MGAT4C: variants seen among roughly 807,000 people sequenced by gnomAD.
The protein encoded by MGAT4C is MGAT4 family member C, also known as alpha-1,3-mannosyl-glycoprotein 4-beta-N-acetylglucosaminyltransferase C.
A neutral mutation model predicts 40.1 loss-of-function variants in MGAT4C; 19 were observed. The observed-to-expected ratio is 0.47, with a 90% CI of 0.33 to 0.70. The LOEUF (loss-of-function observed/expected upper bound fraction) is 0.70. Among genes scored for constraint, MGAT4C ranks in the 30% least tolerant of loss-of-function variants. The pLI, the probability that MGAT4C is intolerant of heterozygous loss-of-function variation, is 0.02. For missense variants in MGAT4C, 491 were observed against 563.2 expected, an observed-to-expected ratio of 0.87 and a Z score of 1.30; for synonymous variants, 181 against 187.1, an observed-to-expected ratio of 0.97 and a Z score of 0.27.
intron 4 of MGAT4C, among the ~76,000 whole-genome samples, chr12:86,283,980 G>A (rs1953284321): frequency 6.6e-6 from 1 of 152,068 alleles, no homozygotes. Context: ...ATTACATGTT[G>A]CACAGGACTT....
intron 2 of MGAT4C, among the ~76,000 whole-genome samples, chr12:86,616,915 T>A (rs910210418): frequency 2.6e-5 from 4 of 152,144 alleles, no homozygotes; most frequent in African/African-American, 9.6e-5. Flanking sequence ...TTAGTCCACC[T>A]ACACAAATCT....
At chr12:86,049,223 G>C (rs1043784743) in intron 2 of MGAT4C, among the ~76,000 whole-genome samples, 6 of 151,996 alleles carry the variant, frequency 3.9e-5, no homozygotes, top group Admixed American at 6.6e-5. Context: ...TGGAGGGCTT[G>C]TGAGAATTGT....
chr12:86,118,804 A>G (rs1044122648), intron 1 of MGAT4C, among the ~76,000 whole-genome samples: 10 of 152,106 alleles, frequency 6.6e-5, no homozygotes, highest in Non-Finnish European at 1.0e-4. Context: ...CATTGCTTTT[A>G]TACTGATAAA....
At chr12:86,268,335 A>G (rs1952841038) in intron 4 of MGAT4C, among the ~76,000 whole-genome samples, 1 of 152,052 alleles carries the variant, frequency 6.6e-6, no homozygotes, top group Non-Finnish European at 1.5e-5. Flanking sequence ...TCTTTGTTAC[A>G]CACTTCATTG....
rs114594889 is a variant in MGAT4C at position 86,130,376 on chromosome 12, C to T, written c.-56-80653G>A. 5.3e-3 allele frequency among the ~76,000 whole-genome samples: 809 copies of T among 151,980 alleles called. 7 individuals are homozygous for T. Among genetic ancestry groups the T allele is most frequent in the African/African-American group, 0.019 (771 of 41,452 alleles). On this transcript the variant is annotated intron_variant, in intron 1 of 4. Transcript: ENST00000611864. ...ATGCCAAATGTAATAAAATGGCTCA[C>T]AATACAATTTTAGAAGGATAAGCAA...
intron 2 of MGAT4C, among the ~76,000 whole-genome samples, chr12:86,684,786 T>C (rs117038575): frequency 0.011 from 1,610 of 152,278 alleles, 15 homozygotes; most frequent in East Asian, 0.038. Flanking sequence ...TGACCGATGA[T>C]GATGAGCTTT....
intron 2 of MGAT4C, among the ~76,000 whole-genome samples, chr12:86,446,547 T>G (rs1377765716): frequency 6.6e-6 from 1 of 150,698 alleles, no homozygotes; most frequent in African/African-American, 2.4e-5. Context: ...ATTGTCTTAT[T>G]GCTTTTTTAC....
intron 1 of MGAT4C, among the ~76,000 whole-genome samples, chr12:86,787,316 G>T (rs1951946860): frequency 8.8e-6 from 1 of 113,548 alleles, no homozygotes; most frequent in South Asian, 4.1e-4. Flanking sequence ...CAAAAGACAT[G>T]ATTTCATTAT....
chr12:86,356,060 A>C (rs1396077676), intron 3 of MGAT4C, among the ~76,000 whole-genome samples: 1 of 152,164 alleles, frequency 6.6e-6, no homozygotes, highest in Non-Finnish European at 1.5e-5. Flanking sequence ...TATTAACGCT[A>C]CATACAGAGT....
chr12:86,827,522 G>A (rs1022132653), intron 1 of MGAT4C, among the ~76,000 whole-genome samples: 5 of 151,384 alleles, frequency 3.3e-5, no homozygotes, highest in South Asian at 4.2e-4. Flanking sequence ...AGATGGAGTC[G>A]AAAATGTGAC....
chr12:86,507,546 T>C (rs1260211551), intron 2 of MGAT4C, among the ~76,000 whole-genome samples: 1 of 152,196 alleles, frequency 6.6e-6, no homozygotes, highest in Non-Finnish European at 1.5e-5. Flanking sequence ...ATGCTTTCCT[T>C]GCCACTTGTC....
chr12:86,174,365 GT>G (rs1475467497), intron 1 of MGAT4C, among the ~76,000 whole-genome samples: 2 of 152,048 alleles, frequency 1.3e-5, no homozygotes, highest in African/African-American at 4.8e-5. Flanking sequence ...AATCTTAACA[GT>G]TGTGTGAATT....
intron 2 of MGAT4C, among the ~76,000 whole-genome samples, chr12:86,493,800 TAATAAAATAA>T (rs1206693119): frequency 5.3e-5 from 8 of 151,656 alleles, no homozygotes; most frequent in Admixed American, 2.6e-4. Context: ...AGTATAATAA[TAATAAAATAA>T]AATAAAATAA....
intron 2 of MGAT4C, among the ~76,000 whole-genome samples, chr12:86,612,640 T>C (rs1962323214): frequency 6.8e-6 from 1 of 147,302 alleles, no homozygotes; most frequent in African/African-American, 2.5e-5. Flanking sequence ...CTCAGGAGGC[T>C]GAGACAAGAG....
intron 1 of MGAT4C, among the ~76,000 whole-genome samples, chr12:86,134,444 T>C (rs1340076612): frequency 1.3e-5 from 2 of 152,114 alleles, no homozygotes; most frequent in Admixed American, 6.5e-5. Flanking sequence ...TTTTTTGATA[T>C]GGTGTGGTTT....
intron 3 of MGAT4C, among the ~76,000 whole-genome samples, chr12:86,382,550 T>A (rs892556023): frequency 6.6e-6 from 1 of 152,204 alleles, no homozygotes; most frequent in Non-Finnish European, 1.5e-5. Flanking sequence ...ACGAGGATGT[T>A]AATCATAAAG....
At chr12:86,384,984 T>C (rs553412407) in intron 3 of MGAT4C, among the ~76,000 whole-genome samples, 2 of 152,338 alleles carry the variant, frequency 1.3e-5, no homozygotes, top group Admixed American at 1.3e-4. Flanking sequence ...CTAACCCCCA[T>C]CTTTGCCTAG....
intron 3 of MGAT4C, among the ~76,000 whole-genome samples, chr12:86,358,577 A>G (rs1955373357): frequency 6.6e-6 from 1 of 152,200 alleles, no homozygotes; most frequent in Non-Finnish European, 1.5e-5. Flanking sequence ...CGTATTCAGG[A>G]GGCCCATCTC....
chr12:86,353,376 A>G (rs1030312656), intron 3 of MGAT4C, among the ~76,000 whole-genome samples: 12 of 152,178 alleles, frequency 7.9e-5, no homozygotes, highest in Non-Finnish European at 1.5e-5. Flanking sequence ...TGCTGAGGAG[A>G]GAAATTAAAA....
Sources: allele counts gnomAD v4.1 joint callset (sites outside exome capture counted in the v4.1 genomes callset), GRCh38; gene constraint gnomAD v4.1.1; transcripts MANE v1.5; gene names NCBI Gene and HGNC (gene_info 2026-07-23, HGNC 2026-07-21).